The following PBX3 variants were observed in gnomAD, a reference collection of about 807,000 sequenced individuals.
The protein encoded by PBX3 is pre-B-cell leukemia transcription factor 3.
PBX3 carries 14 observed loss-of-function variants against 48.5 expected under a neutral mutation model. The ratio of observed to expected loss-of-function variants is 0.29; its 90% CI spans 0.19 to 0.45. The LOEUF is 0.45. PBX3 is among the 20% of genes least tolerant of loss of function. The probability of loss-of-function intolerance (pLI) is 1.00; values close to 1 mark genes in which losing one functional copy is unlikely to be tolerated. For synonymous variants in PBX3, 210 were observed against 200.3 expected (o/e 1.05, Z -0.41); for missense variants, 386 against 546.7 (o/e 0.71, Z 2.93).
intron 2 of PBX3, among the ~76,000 whole-genome samples, chr9:125,865,950 GTTTTTCCCCCAATT>G (rs929494885): frequency 6.1e-5 from 9 of 147,662 alleles, no homozygotes; most frequent in African/African-American, 1.8e-4. Flanking sequence ...TGCCTTCCCT[GTTTTTCCCCCAATT>G]TTTTTCCCCC....
At chr9:125,954,253 A>G (rs1401723864) in intron 5 of PBX3, among the ~76,000 whole-genome samples, 1 of 152,242 alleles carries the variant, frequency 6.6e-6, no homozygotes, top group Non-Finnish European at 1.5e-5. Flanking sequence ...TTGATGGTCA[A>G]AATAAGTATA....
chr9:125,827,761 G>T (rs1838849522), intron 2 of PBX3, among the ~76,000 whole-genome samples: 1 of 151,992 alleles, frequency 6.6e-6, no homozygotes, highest in South Asian at 2.1e-4. Flanking sequence ...CTGAAATTTT[G>T]GTATTATAAA....
intron 5 of PBX3, among the ~76,000 whole-genome samples, chr9:125,936,445 C>T (rs1303788531): frequency 6.6e-6 from 1 of 152,144 alleles, no homozygotes; most frequent in Non-Finnish European, 1.5e-5. Context: ...TGTAGTGAAA[C>T]TTAAGGAAAA....
chr9:125,929,749 G>A lies in PBX3; in HGVS notation c.611G>A (p.Gly204Asp), dbSNP rs763798178. 5.0e-6 allele frequency: 8 copies of A among 1,613,428 alleles called. No homozygotes were observed. In the African/African-American group the frequency reaches 1.1e-4, roughly 22 times the overall value. ...ISPKEIERMV[G>D]IIHRKFSSIQ... Reference sequence around the variant, plus strand: ...CCAAAAGAGATTGAAAGAATGGTGGGCATCATCCATCGAAAATTTAGTTCC... The same window carrying A: ...CCAAAAGAGATTGAAAGAATGGTGGACATCATCCATCGAAAATTTAGTTCC... Residue 204 changes from glycine (G) to aspartate (D), a missense_variant, in exon 4 of 9, where the codon GGC (glycine) becomes GAC (aspartate). Around this residue, in one of 4 missense-constraint regions of PBX3, gnomAD observed 74 missense variants for 206.1 expected, o/e 0.36. Coordinates refer to ENST00000373489, the MANE Select transcript of PBX3 (RefSeq NM_006195.6).
At chr9:125,943,629 A>C (rs889103901) in intron 5 of PBX3, among the ~76,000 whole-genome samples, 1 of 152,140 alleles carries the variant, frequency 6.6e-6, no homozygotes, top group African/African-American at 2.4e-5. Flanking sequence ...TTTGAGGCTA[A>C]TAGGCCAATA....
At chr9:125,877,909 C>T (rs1840294467) in intron 2 of PBX3, among the ~76,000 whole-genome samples, 1 of 152,182 alleles carries the variant, frequency 6.6e-6, no homozygotes, top group African/African-American at 2.4e-5. Context: ...CTTCCCAACC[C>T]CACCAGTCCT....
In PBX3 at chr9:125,747,397, C is replaced by G. The variant is rs1836214981; in HGVS notation, c.-57C>G. 1.7e-6 allele frequency: 2 copies of G among 1,191,436 alleles called. No individual in the cohort carries two copies. Among genetic ancestry groups the G allele is most frequent in the Admixed American group, 8.3e-5 (2 of 24,122 alleles). 73.8% of individuals were successfully genotyped at this position (1,191,436 alleles called of 1,614,324 possible). The stretch of plus-strand genomic sequence containing the variant: ...TCTCCTCCCTCGTCGCCGCCGCCGC[C>G]GCCGCCGCCTCAGCCTTCGCCTCAG... On this transcript the variant is annotated 5_prime_UTR_variant, in exon 1 of 9. Coordinates refer to ENST00000373489, the MANE Select transcript of PBX3 (RefSeq NM_006195.6).
chr9:125,748,400 T>C, intron 1 of PBX3, 150 bp from the exon 2 acceptor site: 2 of 1,408,322 alleles, frequency 1.4e-6, no homozygotes, highest in South Asian at 3.1e-5. Context: ...CGGGAACTAG[T>C]CAACTGGAGT....
rs562860982 is a variant in PBX3, at chr9:125,907,165, A to T, written c.275-8521A>T. Among the ~76,000 whole-genome samples the T allele has an allele frequency of 1.2e-4, 19 of 152,176 alleles. No individual in the cohort carries two copies. In the South Asian group the frequency reaches 3.9e-3, roughly 32 times the overall value. On this transcript the variant is annotated intron_variant, in intron 2 of 8. Transcript: ENST00000373489. ...ACAAAAGAGCAAAAGAAGGAACCAG[A>T]AACTTAGGTCATAATAATTGAGATG...
intron 2 of PBX3, among the ~76,000 whole-genome samples, chr9:125,859,395 C>T (rs1839805143): frequency 6.6e-6 from 1 of 152,164 alleles, no homozygotes; most frequent in African/African-American, 2.4e-5. Context: ...AAGAACATTG[C>T]TACTGCAAGG....
At chr9:125,873,157 C>G (rs989138135) in intron 2 of PBX3, among the ~76,000 whole-genome samples, 1 of 152,034 alleles carries the variant, frequency 6.6e-6, no homozygotes, top group Non-Finnish European at 1.5e-5. Context: ...TGCACTCCAG[C>G]CTGGGCGACA....
intron 2 of PBX3, among the ~76,000 whole-genome samples, chr9:125,877,539 CCTTTT>C (rs1840285035): frequency 6.6e-6 from 1 of 152,158 alleles, no homozygotes; most frequent in Non-Finnish European, 1.5e-5. Context: ...TAAAATCTCT[CCTTTT>C]CTCAGTTTTC....
At chr9:125,943,220 G>T (rs1355799984) in intron 5 of PBX3, among the ~76,000 whole-genome samples, 1 of 151,810 alleles carries the variant, frequency 6.6e-6, no homozygotes, top group Non-Finnish European at 1.5e-5. Context: ...GCCGGGCGTG[G>T]TGGCACACGC....
At chr9:125,809,530 G>A (rs1838226324) in intron 2 of PBX3, among the ~76,000 whole-genome samples, 1 of 151,618 alleles carries the variant, frequency 6.6e-6, no homozygotes, top group Non-Finnish European at 1.5e-5. Context: ...TCTGAGGATA[G>A]TCTAAGTTCT....
At chr9:125,937,986 T>C (rs994021407) in intron 5 of PBX3, among the ~76,000 whole-genome samples, 1 of 152,324 alleles carries the variant, frequency 6.6e-6, no homozygotes, top group African/African-American at 2.4e-5. Context: ...AGAAAAAATA[T>C]TGTTTAAAAT....
chr9:125,891,204 T>C (rs753301603), intron 2 of PBX3, among the ~76,000 whole-genome samples: 2 of 152,254 alleles, frequency 1.3e-5, no homozygotes, highest in Non-Finnish European at 2.9e-5. Flanking sequence ...CAAATGACAT[T>C]TGCTTCCTTG....
rs573534703 is a variant in PBX3, at chr9:125,876,446, G to T, written c.275-39240G>T. On this transcript the variant is annotated intron_variant, in intron 2 of 8. Coordinates refer to ENST00000373489, the MANE Select transcript of PBX3 (RefSeq NM_006195.6). The stretch of plus-strand genomic sequence containing the variant: ...CCTCCTCCCCTTCAGCCTACTCAAT[G>T]CGGAGATGAGGATGAAGACCTTTGT... Among the ~76,000 whole-genome samples, 80 of 152,244 alleles carry T rather than the reference G, an allele frequency of 5.3e-4. 2 individuals are homozygous for T. The South Asian group carries it at 0.016, about 31-fold the overall frequency.
intron 2 of PBX3, among the ~76,000 whole-genome samples, chr9:125,832,182 A>G (rs1022422351): frequency 6.7e-6 from 1 of 148,736 alleles, no homozygotes; most frequent in South Asian, 2.2e-4. Context: ...TTATAAATAT[A>G]TACTGGTTTT....
intron 2 of PBX3, among the ~76,000 whole-genome samples, chr9:125,872,510 A>C (rs1193590844): frequency 6.6e-6 from 1 of 152,162 alleles, no homozygotes; most frequent in Non-Finnish European, 1.5e-5. Context: ...GGCAAAAAGC[A>C]TTTCTAGGTT....
Sources: gnomAD v4.1 joint callset for allele counts (sites outside exome capture counted in the v4.1 genomes callset) on GRCh38, gnomAD v4.1.1 for gene constraint, gnomAD v4.1.1 regional missense constraint, MANE v1.5 for transcripts, NCBI Gene and HGNC (gene_info 2026-07-23, HGNC 2026-07-21) for gene names.